Variants in TIMD4 observed in about 807,000 individuals in gnomAD.
TIMD4 encodes T-cell immunoglobulin and mucin domain-containing protein 4.
Under a neutral mutation model 41.2 loss-of-function variants are expected in TIMD4, and 31 were observed. The observed-to-expected ratio is 0.75, with a 90% CI of 0.57 to 1.01. TIMD4 has a LOEUF of 1.01. Among genes scored for constraint, TIMD4 ranks in the 50% least tolerant of loss-of-function variants. The probability of loss-of-function intolerance (pLI) is 0.00; values close to 1 mark genes in which losing one functional copy is unlikely to be tolerated. For synonymous variants in TIMD4, 204 were observed against 177.1 expected (o/e 1.15, Z -1.21); for missense variants, 479 against 472.5 (o/e 1.01, Z -0.13).
chr5:156,954,200 C>T (rs1406528601), intron 2 of TIMD4, among the ~76,000 whole-genome samples: 1 of 152,190 alleles, frequency 6.6e-6, no homozygotes, highest in African/African-American at 2.4e-5. Flanking sequence ...CAGATTGACC[C>T]TGCAATTCAC....
At chr5:156,936,932 GAAAA>G (rs979433463) in intron 5 of TIMD4, among the ~76,000 whole-genome samples, 2 of 92,610 alleles carry the variant, frequency 2.2e-5, no homozygotes, top group Non-Finnish European at 4.5e-5. Flanking sequence ...ACTCCGTCTG[GAAAA>G]AAAAAAAAAA....
At position 156,949,616 on chromosome 5, in the gene TIMD4, G is replaced by C. The variant is rs186172205; in HGVS notation, c.760+35C>G. 3,292 of 1,518,846 alleles carry C rather than the reference G, an allele frequency of 2.2e-3. 8 individuals carry two copies. Among genetic ancestry groups the C allele is most frequent in the Non-Finnish European group, 2.8e-3 (3,012 of 1,093,628 alleles). The allele number at this position is 1,518,846 out of a possible 1,614,324, so 94.1% of individuals were successfully genotyped here. A position where few individuals can be genotyped will look rare whatever the true frequency, so the allele number is the denominator to read the frequency against. ...AATTTCCTTCTCCTCAGTACAAAGGGTGAGGGAGGACAGAGAGAGTGAGTG... is the reference window on the plus strand; with the variant it reads ...AATTTCCTTCTCCTCAGTACAAAGGCTGAGGGAGGACAGAGAGAGTGAGTG... On this transcript the variant is annotated intron_variant, in intron 4 of 8. Transcript: ENST00000274532.
chr5:156,924,159 T>C, intron 6 of TIMD4: 1 of 424,176 alleles, frequency 2.4e-6, no homozygotes, highest in Non-Finnish European at 4.6e-6. Flanking sequence ...CTGACCAGCC[T>C]GAGCCTACTC....
At chr5:156,948,381 GTAAAA>G (rs1270697000) in intron 5 of TIMD4, 30 bp downstream of exon 5, 2 of 1,146,358 alleles carry the variant, frequency 1.7e-6, no homozygotes, top group African/African-American at 1.6e-5. Flanking sequence ...AATTAATAAA[GTAAAA>G]TAAAATAAAA....
chr5:156,934,430 G>GA (rs1561546971), intron 5 of TIMD4, among the ~76,000 whole-genome samples: 2 of 151,624 alleles, frequency 1.3e-5, no homozygotes, highest in African/African-American at 4.9e-5. Flanking sequence ...TAGTGTGTGT[G>GA]GTTTTTTTTG....
chr5:156,953,349 A>C (rs1759899529), intron 2 of TIMD4, among the ~76,000 whole-genome samples: 1 of 152,150 alleles, frequency 6.6e-6, no homozygotes, highest in Non-Finnish European at 1.5e-5. Flanking sequence ...AGTGCGTTAG[A>C]GTCACCTGAA....
intron 6 of TIMD4, among the ~76,000 whole-genome samples, chr5:156,923,340 G>T (rs1220163492): frequency 2.0e-5 from 3 of 151,818 alleles, no homozygotes; most frequent in African/African-American, 7.3e-5. Context: ...GTACAGATGG[G>T]TTTCCACCAT....
chr5:156,926,284 G>C lies in TIMD4; in HGVS notation c.873C>G (p.Asn291Lys). The C allele has an allele frequency of 1.2e-6, 2 of 1,613,482 alleles. No homozygotes were observed. Among genetic ancestry groups the C allele is most frequent in the African/African-American group, 1.3e-5 (1 of 74,986 alleles). ...GASDTAVPEQ[N>K]KTTKTGQMDG... ...TTACCTGTCCTGTTTTTGTTGTTTT[G>C]TTCTGCTCAGGAACTGCTGTATCAG... Residue 291 changes from asparagine (N) to lysine (K), a missense_variant, in exon 6 of 9, where the codon AAC becomes AAG. Transcript: ENST00000274532.
At chr5:156,950,657 G>A (rs1338453444) in intron 3 of TIMD4, among the ~76,000 whole-genome samples, 1 of 152,184 alleles carries the variant, frequency 6.6e-6, no homozygotes, top group Non-Finnish European at 1.5e-5. Flanking sequence ...AAGTCACTCA[G>A]TGAGAGGTAC....
chr5:156,927,391 A>G (rs1257812005), intron 5 of TIMD4, among the ~76,000 whole-genome samples: 1 of 152,252 alleles, frequency 6.6e-6, no homozygotes, highest in Non-Finnish European at 1.5e-5. Flanking sequence ...CATGGTGCCC[A>G]TGTCAGATGG....
At chr5:156,920,098 T>C (rs948079629) in intron 8 of TIMD4, among the ~76,000 whole-genome samples, 2 of 152,188 alleles carry the variant, frequency 1.3e-5, no homozygotes, top group Admixed American at 1.3e-4. Flanking sequence ...TCTACATGCT[T>C]TTTTCATTTT....
intron 1 of TIMD4, among the ~76,000 whole-genome samples, chr5:156,958,655 G>A (rs1031895606): frequency 6.6e-6 from 1 of 152,186 alleles, no homozygotes; most frequent in African/African-American, 2.4e-5. Context: ...TTTCTATTAA[G>A]TATTCACTAC....
intron 1 of TIMD4, among the ~76,000 whole-genome samples, chr5:156,959,702 G>A: frequency 6.6e-6 from 1 of 152,094 alleles, no homozygotes; most frequent in East Asian, 1.9e-4. Flanking sequence ...CTGATCCTTG[G>A]TGATTCTGAG....
intron 5 of TIMD4, among the ~76,000 whole-genome samples, chr5:156,939,346 A>G (rs916111496): frequency 2.6e-5 from 4 of 152,232 alleles, no homozygotes; most frequent in African/African-American, 9.6e-5. Context: ...AAGCCTTGGC[A>G]TATAATAAGT....
chr5:156,943,940 G>T (rs946033709), intron 5 of TIMD4, among the ~76,000 whole-genome samples: 1 of 151,130 alleles, frequency 6.6e-6, no homozygotes, highest in African/African-American at 2.4e-5. Flanking sequence ...GGTGCCTGTA[G>T]TCCCAGTTAC....
chr5:156,959,300 A>G (rs552889165), intron 1 of TIMD4, among the ~76,000 whole-genome samples: 1 of 152,356 alleles, frequency 6.6e-6, no homozygotes, highest in East Asian at 1.9e-4. Flanking sequence ...GAGGAAAGCC[A>G]TGATAATCCT....
intron 4 of TIMD4, among the ~76,000 whole-genome samples, chr5:156,949,417 TCC>T (rs1561552112): frequency 2.8e-5 from 3 of 107,088 alleles, no homozygotes; most frequent in Admixed American, 2.2e-4. Flanking sequence ...TTTCCCTACC[TCC>T]CTCCTCCTCC....
At chr5:156,962,937 C>T (rs1157460338) in intron 1 of TIMD4, among the ~76,000 whole-genome samples, 1 of 152,106 alleles carries the variant, frequency 6.6e-6, no homozygotes, top group Admixed American at 6.6e-5. Flanking sequence ...CAGCCTAAAA[C>T]CCCCAGACCA....
chr5:156,928,915 A>G (rs1759397835), intron 5 of TIMD4, among the ~76,000 whole-genome samples: 1 of 152,200 alleles, frequency 6.6e-6, no homozygotes, highest in Non-Finnish European at 1.5e-5. Context: ...GAAACTATCA[A>G]ACAGAAAAGC....
Sources: gnomAD v4.1 joint callset for allele counts (sites outside exome capture counted in the v4.1 genomes callset) on GRCh38, gnomAD v4.1.1 for gene constraint, MANE v1.5 for transcripts, NCBI Gene and HGNC (gene_info 2026-07-23, HGNC 2026-07-21) for gene names.